Variants in PHACTR1 observed in about 807,000 individuals in gnomAD.
The protein encoded by PHACTR1 is phosphatase and actin regulator 1, also known as RPEL repeat containing 1.
A neutral mutation model predicts 69.2 loss-of-function variants in PHACTR1; 16 were observed. The observed-to-expected ratio is 0.23, with a 90% confidence interval of 0.16 to 0.35. The LOEUF is 0.35. PHACTR1 is among the 10% of genes least tolerant of loss of function. The pLI is 1.00. For missense variants in PHACTR1, 510 were observed against 734.7 expected (o/e 0.69, Z 3.54); for synonymous variants, 312 against 284.5 (o/e 1.10, Z -0.97).
At chr6:13,109,912 C>T (rs1160488564) in intron 5 of PHACTR1, among the ~76,000 whole-genome samples, 1 of 151,106 alleles carries the variant, frequency 6.6e-6, no homozygotes, top group African/African-American at 2.4e-5. Context: ...TTCAAGTTCG[C>T]TGATCTTTTC....
chr6:12,780,653 A>G (rs1224815046), intron 4 of PHACTR1, among the ~76,000 whole-genome samples: 7 of 152,190 alleles, frequency 4.6e-5, no homozygotes, highest in African/African-American at 1.7e-4. Context: ...AAACAGCGAC[A>G]TGCTCAAACC....
intron 5 of PHACTR1, among the ~76,000 whole-genome samples, chr6:13,152,766 A>G (rs996822548): frequency 3.9e-5 from 6 of 152,188 alleles, no homozygotes; most frequent in Non-Finnish European, 2.9e-5. Context: ...TGCCATTGAA[A>G]AGATTGTTTT....
chr6:13,033,118 A>G (rs1313568266), intron 4 of PHACTR1, among the ~76,000 whole-genome samples: 2 of 149,334 alleles, frequency 1.3e-5, no homozygotes, highest in Admixed American at 1.3e-4. Flanking sequence ...TACATATATA[A>G]GGAGGCAACT....
At chr6:12,802,507 C>T (rs985862820) in intron 4 of PHACTR1, among the ~76,000 whole-genome samples, 3 of 151,998 alleles carry the variant, frequency 2.0e-5, no homozygotes, top group Non-Finnish European at 4.4e-5. Context: ...TTAGAGATGA[C>T]CTGCCAGATC....
At chr6:12,863,197 A>C (rs1340306387) in intron 4 of PHACTR1, among the ~76,000 whole-genome samples, 2 of 152,268 alleles carry the variant, frequency 1.3e-5, no homozygotes, top group East Asian at 3.8e-4. Flanking sequence ...GAAGTACCAC[A>C]GACTGGGTAA....
At chr6:12,744,948 G>A (rs1765579308) in intron 3 of PHACTR1, among the ~76,000 whole-genome samples, 1 of 152,040 alleles carries the variant, frequency 6.6e-6, no homozygotes, top group South Asian at 2.1e-4. Context: ...TAGAAGTGAT[G>A]AGAGTGGATA....
chr6:13,176,688 ACTATT>A (rs1561943841), intron 6 of PHACTR1, among the ~76,000 whole-genome samples: 3 of 152,086 alleles, frequency 2.0e-5, no homozygotes, highest in Non-Finnish European at 4.4e-5. Flanking sequence ...ATTTGTTTCT[ACTATT>A]CTATTTTTCG....
chr6:13,254,755 T>C (rs1457006260), intron 10 of PHACTR1, among the ~76,000 whole-genome samples: 4 of 152,106 alleles, frequency 2.6e-5, no homozygotes, highest in African/African-American at 7.2e-5. Context: ...CCAACCAGAG[T>C]TGACAAATGA....
At chr6:12,797,890 G>T (rs557906041) in intron 4 of PHACTR1, among the ~76,000 whole-genome samples, 2 of 152,066 alleles carry the variant, frequency 1.3e-5, no homozygotes, top group Non-Finnish European at 2.9e-5. Flanking sequence ...CATCAAAGAG[G>T]CCATTTCAAA....
intron 3 of PHACTR1, among the ~76,000 whole-genome samples, chr6:12,722,688 TGGTTGGACCTCAA>T (rs935719864): frequency 6.6e-6 from 1 of 152,236 alleles, no homozygotes; most frequent in African/African-American, 2.4e-5. Context: ...CATTTTCCCC[TGGTTGGACCTCAA>T]GGTGGGGGAG....
chr6:13,046,893 C>T (rs1193739344), intron 4 of PHACTR1, among the ~76,000 whole-genome samples: 1 of 151,826 alleles, frequency 6.6e-6, no homozygotes, highest in Non-Finnish European at 1.5e-5. Context: ...CCAAGAGATC[C>T]AGCCTCTATA....
intron 3 of PHACTR1, among the ~76,000 whole-genome samples, chr6:12,723,843 C>G (rs1218131366): frequency 6.6e-6 from 1 of 152,102 alleles, no homozygotes; most frequent in Non-Finnish European, 1.5e-5. Context: ...GGGGATAAGC[C>G]CCACACACGG....
chr6:13,051,001 C>A (rs1805854390), intron 4 of PHACTR1, among the ~76,000 whole-genome samples: 1 of 152,080 alleles, frequency 6.6e-6, no homozygotes, highest in Non-Finnish European at 1.5e-5. Flanking sequence ...CCTGATTGTT[C>A]TCGCTGTCAA....
chr6:13,244,728 T>G (rs1773351631), intron 10 of PHACTR1, among the ~76,000 whole-genome samples: 1 of 152,258 alleles, frequency 6.6e-6, no homozygotes, highest in Non-Finnish European at 1.5e-5. Flanking sequence ...GCTGTTATCC[T>G]GTTCTTTTTT....
Position 13,219,403 on chromosome 6 carries a change from T to G in PHACTR1, c.987-8413T>G, listed in dbSNP as rs183490917. Among the ~76,000 whole-genome samples the G allele has an allele frequency of 2.9e-3, 438 of 152,282 alleles. 3 individuals carry two copies. The highest frequency in any genetic ancestry group is 0.01 in the African/African-American group (427 of 41,558). Reference sequence around the variant, plus strand: ...GTGATGTCGGGCAGGGACGGGGCACTGAAGAACCATCATGCAGGGTCATGG... The same window carrying G: ...GTGATGTCGGGCAGGGACGGGGCACGGAAGAACCATCATGCAGGGTCATGG... On this transcript the variant is annotated intron_variant, in intron 8 of 14. Coordinates refer to ENST00000332995, the MANE Select transcript of PHACTR1 (RefSeq NM_030948.6).
At chr6:13,181,198 G>A (rs553119819) in intron 6 of PHACTR1, among the ~76,000 whole-genome samples, 9 of 151,968 alleles carry the variant, frequency 5.9e-5, no homozygotes, top group African/African-American at 1.4e-4. Flanking sequence ...GACTCTAATC[G>A]GGCGGGGGTG....
intron 3 of PHACTR1, among the ~76,000 whole-genome samples, chr6:12,726,684 C>T (rs1179621428): frequency 6.6e-6 from 1 of 152,154 alleles, no homozygotes; most frequent in Non-Finnish European, 1.5e-5. Context: ...ATGTCATGAC[C>T]TTACATATGG....
At chr6:13,270,095 T>C (rs752117223) in intron 10 of PHACTR1, among the ~76,000 whole-genome samples, 6 of 152,268 alleles carry the variant, frequency 3.9e-5, no homozygotes, top group Non-Finnish European at 7.3e-5. Flanking sequence ...ACCTATATTA[T>C]GACCCACTAG....
intron 5 of PHACTR1, among the ~76,000 whole-genome samples, chr6:13,112,772 TAGACCTTTGTC>T (rs1008882872): frequency 3.9e-5 from 6 of 152,214 alleles, no homozygotes; most frequent in African/African-American, 1.4e-4. Flanking sequence ...TGCTGTATAT[TAGACCTTTGTC>T]AGATGCATAG....
Sources: allele counts gnomAD v4.1 joint callset (sites outside exome capture counted in the v4.1 genomes callset), GRCh38; gene constraint gnomAD v4.1.1; transcripts MANE v1.5; gene names NCBI Gene and HGNC (gene_info 2026-07-23, HGNC 2026-07-21).